Variants in UBE2E2 observed in about 807,000 individuals in gnomAD.
UBE2E2 encodes the protein ubiquitin conjugating enzyme E2 E2, also known as ubiquitin-conjugating enzyme E2 E2.
A neutral mutation model predicts 24.7 loss-of-function variants in UBE2E2; 6 were observed. The observed-to-expected ratio is 0.24, with a 90% CI of 0.13 to 0.48. The LOEUF (loss-of-function observed/expected upper bound fraction) is 0.48, where lower values mean the gene tolerates loss of function less well. Among genes scored for constraint, UBE2E2 ranks in the 20% least tolerant of loss-of-function variants. UBE2E2 has a pLI of 0.99. For synonymous variants in UBE2E2, 104 were observed against 83.6 expected, an observed-to-expected ratio of 1.24 and a Z score of -1.33; for missense variants, 169 against 245.0, an observed-to-expected ratio of 0.69 and a Z score of 2.07.
At chr3:23,204,424 A>G (rs1317752481) in intron 1 of UBE2E2, among the ~76,000 whole-genome samples, 1 of 152,228 alleles carries the variant, frequency 6.6e-6, no homozygotes, top group Non-Finnish European at 1.5e-5. Flanking sequence ...ATTTAAAAGT[A>G]CGAAAGGAAG....
At chr3:23,554,297 G>C (rs572748337) in intron 5 of UBE2E2, among the ~76,000 whole-genome samples, 7 of 152,208 alleles carry the variant, frequency 4.6e-5, no homozygotes, top group Non-Finnish European at 7.4e-5. Context: ...AGACACAATG[G>C]GGAGAGGATA....
intron 5 of UBE2E2, among the ~76,000 whole-genome samples, chr3:23,578,496 C>T (rs1001101919): frequency 1.3e-5 from 2 of 152,138 alleles, no homozygotes; most frequent in East Asian, 3.8e-4. Context: ...CATTGCAGCA[C>T]TACTCACAAT....
chr3:23,259,685 C>T (rs1283149381), intron 3 of UBE2E2, among the ~76,000 whole-genome samples: 2 of 152,014 alleles, frequency 1.3e-5, no homozygotes, highest in African/African-American at 4.8e-5. Context: ...TACCTTACAT[C>T]ATATATACCC....
At chr3:23,273,404 G>A (rs888357637) in intron 3 of UBE2E2, among the ~76,000 whole-genome samples, 1 of 152,138 alleles carries the variant, frequency 6.6e-6, no homozygotes, top group Non-Finnish European at 1.5e-5. Flanking sequence ...GATGGCGGAC[G>A]CCTGTAGTCC....
intron 3 of UBE2E2, among the ~76,000 whole-genome samples, chr3:23,291,969 C>G (rs1698779514): frequency 6.7e-6 from 1 of 149,488 alleles, no homozygotes; most frequent in Non-Finnish European, 1.5e-5. Flanking sequence ...TGCCATTCTC[C>G]TGCCTCAGCC....
intron 3 of UBE2E2, among the ~76,000 whole-genome samples, chr3:23,460,109 CT>C (rs1387508635): frequency 1.3e-5 from 2 of 152,156 alleles, no homozygotes; most frequent in East Asian, 3.9e-4. Flanking sequence ...GTAGATGACA[CT>C]TTCAAGTTAT....
chr3:23,272,903 A>G lies in UBE2E2; in HGVS notation c.227+55591A>G, dbSNP rs962252871. On this transcript the variant is annotated intron_variant, in intron 3 of 5. Transcript: ENST00000396703. ...CAAGTTTCAGTTTGAGTCCCGAAGC[A>G]GGAAAAGACTGATATTCCATTTCAA... is the stretch of plus-strand genomic sequence containing the variant. 3.3e-5 allele frequency among the ~76,000 whole-genome samples: 5 copies of G among 152,194 alleles called. No homozygotes were observed. In the East Asian group the frequency reaches 7.7e-4, roughly 24 times the overall value.
chr3:23,241,081 C>T (rs887325639), intron 3 of UBE2E2, among the ~76,000 whole-genome samples: 1 of 152,130 alleles, frequency 6.6e-6, no homozygotes, highest in African/African-American at 2.4e-5. Flanking sequence ...TTCTGCTTCC[C>T]CTCCCAAATC....
intron 3 of UBE2E2, among the ~76,000 whole-genome samples, chr3:23,449,037 A>G (rs989341455): frequency 3.9e-5 from 6 of 152,198 alleles, no homozygotes; most frequent in African/African-American, 1.4e-4. Flanking sequence ...CCTCTTACCT[A>G]ACAGCCCAAA....
chr3:23,345,438 A>G (rs1158533488), intron 3 of UBE2E2, among the ~76,000 whole-genome samples: 1 of 152,232 alleles, frequency 6.6e-6, no homozygotes, highest in Non-Finnish European at 1.5e-5. Context: ...GTTACTTATT[A>G]TTTACCATAA....
intron 3 of UBE2E2, among the ~76,000 whole-genome samples, chr3:23,354,024 G>A (rs1307955977): frequency 6.6e-6 from 1 of 152,156 alleles, no homozygotes; most frequent in East Asian, 1.9e-4. Flanking sequence ...GCATGGTACT[G>A]GTACCAAAAC....
At chr3:23,203,611 T>C in intron 1 of UBE2E2, 147 bp downstream of exon 1, 1 of 399,544 alleles carries the variant, frequency 2.5e-6, no homozygotes, top group African/African-American at 2.2e-5. Flanking sequence ...TCGCTCCCCG[T>C]GCCCGGTTCC....
intron 3 of UBE2E2, among the ~76,000 whole-genome samples, chr3:23,438,832 T>C (rs578177135): frequency 1.3e-5 from 2 of 152,154 alleles, no homozygotes; most frequent in African/African-American, 2.4e-5. Flanking sequence ...CATAAAAGAA[T>C]CAGAATTACT....
In UBE2E2 at chr3:23,280,379, C is replaced by G. The variant is rs1219203439; in HGVS notation, c.227+63067C>G. On this transcript the variant is annotated intron_variant, in intron 3 of 5. Coordinates refer to ENST00000396703, the MANE Select transcript of UBE2E2 (RefSeq NM_152653.4). This position sits in a 1 kb window ranked among gnomAD's most constrained non-coding sequence, Gnocchi z 4.3. ...CACATATGGCATCATCTTTCTTCCTCCTACAGAGAAGTGTTGACATGGATC... is the reference window on the plus strand; with the variant it reads ...CACATATGGCATCATCTTTCTTCCTGCTACAGAGAAGTGTTGACATGGATC... Among the ~76,000 whole-genome samples, 2 of 152,186 alleles carry G rather than the reference C, an allele frequency of 1.3e-5. No individual in the cohort carries two copies. Among genetic ancestry groups the G allele is most frequent in the Non-Finnish European group, 2.9e-5 (2 of 68,046 alleles).
chr3:23,500,084 T>C (rs948344886), intron 4 of UBE2E2, among the ~76,000 whole-genome samples: 14 of 152,130 alleles, frequency 9.2e-5, no homozygotes, highest in African/African-American at 3.4e-4. Flanking sequence ...AAATCAGACG[T>C]AGCCTGGAGC....
chr3:23,258,900 GAAAAAAA>G (rs11333992), intron 3 of UBE2E2, among the ~76,000 whole-genome samples: 41 of 78,920 alleles, frequency 5.2e-4, no homozygotes, highest in East Asian at 3.9e-3. Context: ...CTCAAAAAAA[GAAAAAAA>G]AAAAAAAAAA....
At chr3:23,347,485 T>C (rs1182248612) in intron 3 of UBE2E2, among the ~76,000 whole-genome samples, 3 of 151,970 alleles carry the variant, frequency 2.0e-5, no homozygotes, top group Middle Eastern at 3.4e-3. Context: ...TTCTCACTTA[T>C]AAGTGGGAGT....
chr3:23,509,565 C>CT (rs1274705895), intron 4 of UBE2E2, among the ~76,000 whole-genome samples: 117 of 151,672 alleles, frequency 7.7e-4, no homozygotes, highest in African/African-American at 2.8e-3. Context: ...TTGATTTTTT[C>CT]TTTTTTTTAA....
intron 5 of UBE2E2, among the ~76,000 whole-genome samples, chr3:23,559,339 TC>T (rs1695865370): frequency 6.6e-6 from 1 of 152,108 alleles, no homozygotes; most frequent in African/African-American, 2.4e-5. Flanking sequence ...GCATTAAACA[TC>T]CTGGTTTTTC....
Sources: allele counts gnomAD v4.1 joint callset (sites outside exome capture counted in the v4.1 genomes callset), GRCh38; gene constraint gnomAD v4.1.1; non-coding constraint Gnocchi (gnomAD v3.1); transcripts MANE v1.5; gene names NCBI Gene and HGNC (gene_info 2026-07-23, HGNC 2026-07-21).